Variants in TAF7L observed in about 807,000 individuals in gnomAD.
The protein encoded by TAF7L is transcription initiation factor TFIID subunit 7-like.
Under a neutral mutation model 30.2 loss-of-function variants are expected in TAF7L, and 6 were observed. The observed-to-expected ratio is 0.20, with a 90% confidence interval of 0.11 to 0.39. TAF7L has a LOEUF of 0.39. Ranked by LOEUF, TAF7L falls within the 10% of genes least tolerant of loss-of-function variation. The probability of loss-of-function intolerance (pLI) is 1.00; values close to 1 mark genes in which losing one functional copy is unlikely to be tolerated. For synonymous variants in TAF7L, 93 were observed against 94.5 expected (o/e 0.98, Z 0.09); for missense variants, 284 against 277.1 (o/e 1.03, Z -0.18).
intron 9 of TAF7L, among the ~76,000 whole-genome samples, 148 bp downstream of exon 9, chrX:101,277,451 CAAAAAAA>C (rs368056727): frequency 2.5e-5 from 1 of 40,417 alleles, no homozygotes; most frequent in Non-Finnish European, 4.2e-5. Context: ...GACTCCATCT[CAAAAAAA>C]AAAAAAAAAA....
At chrX:101,285,318 A>G (rs1422949331) in intron 3 of TAF7L, among the ~76,000 whole-genome samples, 5 of 109,760 alleles carry the variant, frequency 4.6e-5, no homozygotes, top group Admixed American at 9.8e-5. Flanking sequence ...CAACATGGTG[A>G]AACCCCATCT....
At chrX:101,282,040 C>T (rs747516428) in intron 5 of TAF7L, among the ~76,000 whole-genome samples, 9 of 109,895 alleles carry the variant, frequency 8.2e-5, no homozygotes, top group Non-Finnish European at 1.1e-4. Flanking sequence ...TGCCCGCCAC[C>T]ACACCCAACT....
chrX:101,291,158 G>C, intron 1 of TAF7L, 66 bp downstream of exon 1: 1 of 507,937 alleles, frequency 2.0e-6, no homozygotes, highest in Non-Finnish European at 2.4e-6. Flanking sequence ...GGGGTGCACC[G>C]CGGCGGGGTG....
chrX:101,279,695 A>C (rs12171764), intron 6 of TAF7L, among the ~76,000 whole-genome samples: 37,965 of 110,753 alleles, frequency 0.34, 4,769 homozygotes, highest in Middle Eastern at 0.38. Flanking sequence ...AAAGAAAAGT[A>C]AAGTCAGAGC....
At chrX:101,277,480 A>G (rs1209759426) in intron 9 of TAF7L, 126 bp downstream of exon 9, 17 of 340,322 alleles carry the variant, frequency 5.0e-5, no homozygotes, top group Admixed American at 9.3e-5. Flanking sequence ...AGAGGGAAGG[A>G]CGAAACCATC....
chrX:101,271,938 T>C (rs1334928777), intron 12 of TAF7L, among the ~76,000 whole-genome samples: 3 of 111,721 alleles, frequency 2.7e-5, no homozygotes, highest in Non-Finnish European at 5.6e-5. Flanking sequence ...TATTAAGCAG[T>C]ACTTGGATAA....
upstream of TAF7L, chrX:101,292,698 C>A: frequency 9.1e-7 from 1 of 1,093,784 alleles, no homozygotes; most frequent in Admixed American, 2.7e-5. Context: ...AAGGGGGCCG[C>A]AATTCAAACA....
intron 9 of TAF7L, among the ~76,000 whole-genome samples, 152 bp downstream of exon 9, chrX:101,277,451 CAAA>C (rs368056727): frequency 1.2e-4 from 5 of 40,416 alleles, no homozygotes; most frequent in South Asian, 1.9e-3. Context: ...GACTCCATCT[CAAA>C]AAAAAAAAAA....
At chrX:101,288,164 C>T (rs1924672223) in intron 1 of TAF7L, among the ~76,000 whole-genome samples, 1 of 105,005 alleles carries the variant, frequency 9.5e-6, no homozygotes, top group African/African-American at 3.5e-5. Context: ...TTTTTCAAGA[C>T]AGAGTCTCGC....
At chrX:101,292,028 A>C (rs1334207428), upstream of TAF7L, among the ~76,000 whole-genome samples, 2 of 107,690 alleles carry the variant, frequency 1.9e-5, no homozygotes, top group Non-Finnish European at 3.8e-5. Context: ...ACCTGAGGTC[A>C]GGAGTTCGAG....
intron 3 of TAF7L, 113 bp from the exon 4 acceptor site, chrX:101,283,696 T>C (rs756833956): frequency 8.0e-5 from 63 of 789,229 alleles, no homozygotes; most frequent in Non-Finnish European, 1.1e-4. Flanking sequence ...AGAAACCTAC[T>C]ATCTCTCATA....
In TAF7L at chrX:101,276,458, ATCATCC is replaced by A. The variant is rs748108764; in HGVS notation, c.756_761del (p.Glu252_Asp253del). Reference sequence around the variant, plus strand: ...CATCCTCATCCTCATCCTCATCTTCATCATCCTCATCCTCATCATCATCATTGTTAC... The same window carrying A: ...CATCCTCATCCTCATCCTCATCTTCATCATCCTCATCATCATCATTGTTAC... On this transcript the variant is annotated inframe_deletion, in exon 10 of 13. Coordinates refer to ENST00000356784, the MANE Select transcript of TAF7L (RefSeq NM_001168474.2). 4.3e-5 allele frequency: 52 copies of A among 1,202,250 alleles called. No homozygotes were observed. The South Asian group carries it at 6.5e-4, about 15-fold the overall frequency.
In TAF7L at chrX:101,277,722, G is replaced by C. The variant is rs746857088; in HGVS notation, c.578-3C>G. 1 of 1,144,450 alleles carries C rather than the reference G, an allele frequency of 8.7e-7. No individual in the cohort carries two copies. The highest frequency in any genetic ancestry group is 1.2e-6 in the Non-Finnish European group (1 of 840,254). 94.3% of individuals were successfully genotyped at this position (1,144,450 alleles called of 1,213,427 possible). ...ATCTTCAGCAATGACTTCCCAACCTGAAAGGAGTGGGTAGTCAAGGAAAAC... is the reference window on the plus strand; with the variant it reads ...ATCTTCAGCAATGACTTCCCAACCTCAAAGGAGTGGGTAGTCAAGGAAAAC... On this transcript the variant is annotated splice_region_variant and splice_polypyrimidine_tract_variant and intron_variant, in intron 8 of 12. Transcript: ENST00000356784.
At position 101,276,371 on chromosome X, in the gene TAF7L, C is replaced by T. The variant is rs757661736; in HGVS notation, c.849G>A (p.Arg283=). 8.3e-7 allele frequency: 1 copy of T among 1,211,431 alleles called. No individual in the cohort carries two copies. Among genetic ancestry groups the T allele is most frequent in the South Asian group, 1.8e-5 (1 of 56,943 alleles). ...EEDCSEEYLE[R]QLQAEFIESG... ...ATTCAATAAACTCGGCCTGCAGCTGCCTTTCCAGATACTCTTCAGAACAAT... is the reference window on the plus strand; with the variant it reads ...ATTCAATAAACTCGGCCTGCAGCTGTCTTTCCAGATACTCTTCAGAACAAT... Residue 283 remains arginine (R), a synonymous_variant, in exon 10 of 13, where the codon AGG becomes AGA. Transcript: ENST00000356784.
rs776284841 is a variant in TAF7L at position 101,276,468 on chromosome X, T to C, written c.752A>G (p.Asp251Gly). 4 of 1,208,904 alleles carry C rather than the reference T, an allele frequency of 3.3e-6. No homozygotes were observed. In the South Asian group the frequency reaches 7.0e-5, roughly 21 times the overall value. The change falls in exon 10 of 13, where the codon GAT (aspartate) becomes GGT (glycine). Residue 251 changes from aspartate to glycine, a missense_variant. By Grantham distance (94) the Asp-to-Gly change is moderately conservative. Coordinates refer to ENST00000356784, the MANE Select transcript of TAF7L (RefSeq NM_001168474.2). ...CTCATCCTCATCTTCATCATCCTCA[T>C]CCTCATCATCATCATTGTTACTTCT... Reference protein sequence around the residue: ...DSRSNNDDDEDEDDEDEDEDE... With the variant: ...DSRSNNDDDEGEDDEDEDEDE...
chrX:101,285,832 T>C (rs2147381824), intron 3 of TAF7L, among the ~76,000 whole-genome samples: 1 of 111,273 alleles, frequency 9.0e-6, no homozygotes, highest in Non-Finnish European at 1.9e-5. Context: ...ATTTGGATAT[T>C]AACCACTTTA....
intron 3 of TAF7L, among the ~76,000 whole-genome samples, chrX:101,283,885 C>A (rs1430574588): frequency 9.2e-6 from 1 of 108,564 alleles, no homozygotes; most frequent in Non-Finnish European, 1.9e-5. Flanking sequence ...AAAGCAAATT[C>A]CATTCATTAA....
chrX:101,284,220 A>G (rs981247156), intron 3 of TAF7L, among the ~76,000 whole-genome samples: 1 of 112,155 alleles, frequency 8.9e-6, no homozygotes, highest in Non-Finnish European at 1.9e-5. Context: ...AAATAGAGAG[A>G]TTGCTTCAAT....
At chrX:101,272,224 C>T (rs1033512007) in intron 12 of TAF7L, among the ~76,000 whole-genome samples, 11 of 111,673 alleles carry the variant, frequency 9.9e-5, no homozygotes, top group African/African-American at 3.6e-4. Flanking sequence ...ATACAGTTGT[C>T]GTTCAAGTTA....
Sources: allele counts gnomAD v4.1 joint callset (sites outside exome capture counted in the v4.1 genomes callset), GRCh38; gene constraint gnomAD v4.1.1; transcripts MANE v1.5; gene names NCBI Gene and HGNC (gene_info 2026-07-23, HGNC 2026-07-21).